CTNND2: variants seen among roughly 807,000 people sequenced by gnomAD.
CTNND2 encodes catenin delta-2.
CTNND2 carries 22 observed loss-of-function variants against 144.4 expected under a neutral mutation model. The ratio of observed to expected loss-of-function variants is 0.15; its 90% CI spans 0.11 to 0.22. CTNND2 has a LOEUF of 0.22. CTNND2 is among the 10% of genes least tolerant of loss of function. The pLI is 1.00. For synonymous variants in CTNND2, 751 were observed against 695.6 expected, an observed-to-expected ratio of 1.08 and a Z score of -1.25; for missense variants, 1,353 against 1,618.8, an observed-to-expected ratio of 0.84 and a Z score of 2.82.
chr5:11,233,716 C>CTGTGTGTGTGTGTGTGTGTG (rs3033106), intron 10 of CTNND2, among the ~76,000 whole-genome samples: 4 of 148,236 alleles, frequency 2.7e-5, no homozygotes, highest in African/African-American at 7.5e-5. Context: ...GTTTACGTGT[C>CTGTGTGTGTGTGTGTGTGTG]TGTGTGTGTG....
intron 3 of CTNND2, among the ~76,000 whole-genome samples, chr5:11,510,614 G>C (rs1771542080): frequency 1.3e-5 from 2 of 152,168 alleles, no homozygotes; most frequent in Admixed American, 6.6e-5. Context: ...CAAAGTAACA[G>C]AAAAGCAAAC....
intron 8 of CTNND2, among the ~76,000 whole-genome samples, chr5:11,348,580 G>T (rs1755034898): frequency 6.6e-6 from 1 of 151,844 alleles, no homozygotes; most frequent in Non-Finnish European, 1.5e-5. Flanking sequence ...AGTTTTCTAT[G>T]CAAAATCATT....
intron 2 of CTNND2, among the ~76,000 whole-genome samples, chr5:11,657,459 T>A (rs1355608670): frequency 1.3e-5 from 2 of 152,140 alleles, no homozygotes; most frequent in Admixed American, 1.3e-4. Flanking sequence ...TCTCTCCTGT[T>A]TCTCTCTCCT....
chr5:11,806,697 G>A (rs1460263534), intron 1 of CTNND2, among the ~76,000 whole-genome samples: 1 of 152,064 alleles, frequency 6.6e-6, no homozygotes, highest in Admixed American at 6.6e-5. Context: ...CAGCACTTAT[G>A]TGCACATTGG....
At position 11,159,697 on chromosome 5, in the gene CTNND2, C is replaced by A. The variant is rs1486851169; in HGVS notation, c.2038G>T (p.Ala680Ser). 6.2e-7 allele frequency: 1 copy of A among 1,612,038 alleles called. No homozygotes were observed. The change falls in exon 12 of 22, where the codon GCA (alanine) becomes TCA (serine). Residue 680 changes from alanine to serine, a missense_variant. This residue lies in a region of CTNND2 where 117 missense variants were observed against 117.8 expected (regional missense o/e 0.99). Coordinates refer to ENST00000304623, the MANE Select transcript of CTNND2 (RefSeq NM_001332.4). ...ATAATCACCGCGTTGGTCAGTACTG[C>A]TAGGGCATCCTGGATGATTGGCATT... ...LKMPIIQDAL[A>S]VLTNAVIIPH...
chr5:11,759,502 C>T (rs1039613388), intron 1 of CTNND2, among the ~76,000 whole-genome samples: 3 of 151,946 alleles, frequency 2.0e-5, no homozygotes, highest in African/African-American at 7.3e-5. Flanking sequence ...AGACAAAGCA[C>T]AAATATTCAA....
At chr5:11,184,869 A>T (rs1460849301) in intron 11 of CTNND2, among the ~76,000 whole-genome samples, 1 of 152,178 alleles carries the variant, frequency 6.6e-6, no homozygotes, top group African/African-American at 2.4e-5. Flanking sequence ...GCAAATATGG[A>T]TGGAAGGAGA....
intron 9 of CTNND2, among the ~76,000 whole-genome samples, chr5:11,263,631 T>C (rs1046533764): frequency 6.6e-6 from 1 of 152,158 alleles, no homozygotes; most frequent in African/African-American, 2.4e-5. Flanking sequence ...ATGTTATCAG[T>C]GGTGGCACCA....
At chr5:11,256,436 C>T (rs1022284703) in intron 9 of CTNND2, among the ~76,000 whole-genome samples, 1 of 152,098 alleles carries the variant, frequency 6.6e-6, no homozygotes, top group African/African-American at 2.4e-5. Flanking sequence ...ATGATAATTT[C>T]CTCTACTCAA....
intron 1 of CTNND2, among the ~76,000 whole-genome samples, chr5:11,826,357 A>T (rs749189820): frequency 6.6e-5 from 10 of 152,038 alleles, no homozygotes; most frequent in Admixed American, 3.3e-4. Context: ...AAAGAGCTAG[A>T]CTAATATGCC....
At chr5:11,243,221 A>G (rs1341147027) in intron 9 of CTNND2, among the ~76,000 whole-genome samples, 1 of 152,230 alleles carries the variant, frequency 6.6e-6, no homozygotes, top group Non-Finnish European at 1.5e-5. Context: ...GCAGTGTGCT[A>G]GAGTGGGAAA....
intron 9 of CTNND2, among the ~76,000 whole-genome samples, chr5:11,239,561 G>A (rs1474734820): frequency 6.6e-6 from 1 of 152,216 alleles, no homozygotes; most frequent in African/African-American, 2.4e-5. Flanking sequence ...TAAATACGCA[G>A]ATACGCACAC....
intron 6 of CTNND2, among the ~76,000 whole-genome samples, chr5:11,387,009 T>C (rs112379912): frequency 8.6e-4 from 131 of 152,254 alleles, no homozygotes; most frequent in Non-Finnish European, 1.5e-3. Flanking sequence ...ATTAAATAGA[T>C]TGGGCTTCTC....
intron 3 of CTNND2, among the ~76,000 whole-genome samples, chr5:11,477,149 C>T (rs1030768922): frequency 6.6e-6 from 1 of 152,094 alleles, no homozygotes; most frequent in African/African-American, 2.4e-5. Flanking sequence ...TTTTATAGCC[C>T]ACTGTTTTAT....
chr5:11,774,716 T>C (rs1790156023), intron 1 of CTNND2, among the ~76,000 whole-genome samples: 2 of 152,096 alleles, frequency 1.3e-5, no homozygotes, highest in Admixed American at 6.6e-5. Flanking sequence ...GAGAATACAG[T>C]TTAATTTTGT....
At chr5:11,729,627 A>G (rs1787223414) in intron 2 of CTNND2, among the ~76,000 whole-genome samples, 1 of 152,178 alleles carries the variant, frequency 6.6e-6, no homozygotes, top group African/African-American at 2.4e-5. Context: ...GCTATTTCAA[A>G]TAATTTTATA....
At chr5:11,550,221 T>C (rs1022970578) in intron 3 of CTNND2, among the ~76,000 whole-genome samples, 1 of 152,180 alleles carries the variant, frequency 6.6e-6, no homozygotes, top group African/African-American at 2.4e-5. Flanking sequence ...ACATCACTAG[T>C]AATATGCAGA....
At chr5:11,800,607 C>G (rs1231784613) in intron 1 of CTNND2, among the ~76,000 whole-genome samples, 1 of 152,012 alleles carries the variant, frequency 6.6e-6, no homozygotes, top group Non-Finnish European at 1.5e-5. Context: ...AAAGGCATAC[C>G]CTTCCGTCCA....
chr5:11,837,638 A>G (rs1316439539), intron 1 of CTNND2, among the ~76,000 whole-genome samples: 1 of 152,180 alleles, frequency 6.6e-6, no homozygotes, highest in Non-Finnish European at 1.5e-5. Flanking sequence ...ATCTTTAGGA[A>G]CAAGTCAGAT....
Sources: gnomAD v4.1 joint callset for allele counts (sites outside exome capture counted in the v4.1 genomes callset) on GRCh38, gnomAD v4.1.1 for gene constraint, gnomAD v4.1.1 regional missense constraint, MANE v1.5 for transcripts, NCBI Gene and HGNC (gene_info 2026-07-23, HGNC 2026-07-21) for gene names.